LRRC4C: variants seen among roughly 807,000 people sequenced by gnomAD.
LRRC4C encodes the protein leucine-rich repeat-containing protein 4C.
Under a neutral mutation model 33.6 loss-of-function variants are expected in LRRC4C, and 5 were observed. The ratio of observed to expected loss-of-function variants is 0.15; its 90% CI spans 0.08 to 0.31. The LOEUF (loss-of-function observed/expected upper bound fraction) is 0.31, where lower values mean the gene tolerates loss of function less well. Among genes scored for constraint, LRRC4C ranks in the 10% least tolerant of loss-of-function variants. LRRC4C has a pLI of 1.00. For synonymous variants in LRRC4C, 329 were observed against 302.0 expected (o/e 1.09, Z -0.93); for missense variants, 560 against 796.7 (o/e 0.70, Z 3.58).
At chr11:40,828,358 CT>C (rs1952258411) in intron 2 of LRRC4C, among the ~76,000 whole-genome samples, 1 of 151,760 alleles carries the variant, frequency 6.6e-6, no homozygotes, top group African/African-American at 2.4e-5. Flanking sequence ...ATGCAAAACC[CT>C]CTCCTGATTT....
chr11:40,769,870 A>G (rs61888004), intron 2 of LRRC4C, among the ~76,000 whole-genome samples: 4,556 of 152,282 alleles, frequency 0.03, 89 homozygotes, highest in Middle Eastern at 0.048. Flanking sequence ...TCAAACTATG[A>G]AACTACTCAA....
intron 2 of LRRC4C, among the ~76,000 whole-genome samples, chr11:40,819,077 G>T (rs75879627): frequency 4.6e-5 from 7 of 152,048 alleles, no homozygotes; most frequent in Non-Finnish European, 7.4e-5. Context: ...AAAGGAAGGA[G>T]GTATCCAATG....
In LRRC4C at chr11:41,270,410, T is replaced by C. The variant is rs529695775; in HGVS notation, c.-496+189021A>G. ...ACAAATTATAAAGTTGTATTAGAAA[T>C]AACCAGGTCACATATGTGAAAGAAC... On this transcript the variant is annotated intron_variant, in intron 1 of 6. Transcript: ENST00000528697. 1.7e-4 allele frequency among the ~76,000 whole-genome samples: 26 copies of C among 152,202 alleles called. No individual in the cohort carries two copies. The South Asian group carries it at 5.0e-3, about 29-fold the overall frequency.
At chr11:41,272,486 T>C (rs1319362838) in intron 1 of LRRC4C, among the ~76,000 whole-genome samples, 3 of 152,084 alleles carry the variant, frequency 2.0e-5, no homozygotes, top group African/African-American at 7.2e-5. Flanking sequence ...GTCAGGAGAA[T>C]TTGAACCACT....
chr11:40,553,936 G>T (rs1029824210), intron 3 of LRRC4C, among the ~76,000 whole-genome samples: 1 of 152,038 alleles, frequency 6.6e-6, no homozygotes, highest in Admixed American at 6.6e-5. Context: ...GTGTGCAGAA[G>T]CTCTTTAGTT....
intron 1 of LRRC4C, among the ~76,000 whole-genome samples, chr11:41,429,566 T>C (rs570862468): frequency 2.4e-4 from 36 of 152,234 alleles, no homozygotes; most frequent in Admixed American, 5.2e-4. Context: ...CCAGGTAAAA[T>C]TTTGCATTGT....
chr11:40,255,718 T>A (rs1430565272), intron 4 of LRRC4C, among the ~76,000 whole-genome samples: 1 of 152,180 alleles, frequency 6.6e-6, no homozygotes, highest in Non-Finnish European at 1.5e-5. Context: ...TGCATGTCAA[T>A]GAGTTGTTCT....
intron 3 of LRRC4C, among the ~76,000 whole-genome samples, chr11:40,585,674 C>T (rs1300228364): frequency 7.3e-6 from 1 of 137,278 alleles, no homozygotes; most frequent in African/African-American, 2.7e-5. Context: ...TTCCTGTGTC[C>T]ATGTGATCTC....
At chr11:40,207,461 G>A (rs1217769596) in intron 5 of LRRC4C, among the ~76,000 whole-genome samples, 1 of 152,122 alleles carries the variant, frequency 6.6e-6, no homozygotes. Context: ...AATTAGTCAT[G>A]TGTGGTGATG....
chr11:40,505,980 T>A (rs1472756566), intron 3 of LRRC4C, among the ~76,000 whole-genome samples: 1 of 152,160 alleles, frequency 6.6e-6, no homozygotes, highest in Non-Finnish European at 1.5e-5. Context: ...GAAGTTTTCC[T>A]GGAAACTTCA....
intron 1 of LRRC4C, among the ~76,000 whole-genome samples, chr11:41,187,208 T>G (rs747690857): frequency 1.8e-4 from 27 of 152,198 alleles, no homozygotes; most frequent in Admixed American, 5.9e-4. Flanking sequence ...GGCACTTCTG[T>G]TTTCATGCCC....
At chr11:41,001,199 C>T (rs572927602) in intron 1 of LRRC4C, among the ~76,000 whole-genome samples, 2 of 152,188 alleles carry the variant, frequency 1.3e-5, no homozygotes, top group Non-Finnish European at 2.9e-5. Context: ...ATAGGTACCA[C>T]AATTTTTAAC....
chr11:41,432,711 G>A (rs1032906480), intron 1 of LRRC4C, among the ~76,000 whole-genome samples: 12 of 152,036 alleles, frequency 7.9e-5, no homozygotes, highest in African/African-American at 2.9e-4. Flanking sequence ...CTGTCATCAT[G>A]GCCAGTGCTC....
chr11:40,438,055 G>T (rs1258881720), intron 3 of LRRC4C, among the ~76,000 whole-genome samples: 1 of 152,140 alleles, frequency 6.6e-6, no homozygotes, highest in African/African-American at 2.4e-5. Flanking sequence ...TGACCTTCAT[G>T]TCCCATGCTC....
At chr11:40,181,283 AG>A (rs1860981057) in intron 5 of LRRC4C, among the ~76,000 whole-genome samples, 1 of 152,198 alleles carries the variant, frequency 6.6e-6, no homozygotes, top group South Asian at 2.1e-4. Flanking sequence ...ATTTGTTACA[AG>A]AAAGAAGATG....
intron 2 of LRRC4C, among the ~76,000 whole-genome samples, chr11:40,747,071 G>A (rs952088589): frequency 2.6e-5 from 4 of 152,118 alleles, no homozygotes; most frequent in African/African-American, 9.7e-5. Flanking sequence ...TAACACTGAT[G>A]CCAGCGTACA....
chr11:40,538,718 C>T (rs970164404), intron 3 of LRRC4C, among the ~76,000 whole-genome samples: 1 of 152,210 alleles, frequency 6.6e-6, no homozygotes, highest in Non-Finnish European at 1.5e-5. Context: ...GGAATTGCCA[C>T]ACTGTCTTCC....
intron 3 of LRRC4C, among the ~76,000 whole-genome samples, chr11:40,608,093 AG>A (rs1471042236): frequency 6.6e-6 from 1 of 152,206 alleles, no homozygotes; most frequent in Non-Finnish European, 1.5e-5. Context: ...AATATATAGA[AG>A]AATACAGAAT....
intron 3 of LRRC4C, among the ~76,000 whole-genome samples, chr11:40,350,499 G>T (rs116061979): frequency 6.6e-6 from 1 of 152,124 alleles, no homozygotes; most frequent in African/African-American, 2.4e-5. Flanking sequence ...CTATAGCTCT[G>T]TAGTATCATT....
Sources: allele counts gnomAD v4.1 joint callset (sites outside exome capture counted in the v4.1 genomes callset), GRCh38; gene constraint gnomAD v4.1.1; transcripts MANE v1.5; gene names NCBI Gene and HGNC (gene_info 2026-07-23, HGNC 2026-07-21).